Variants in MDH2 observed in about 807,000 individuals in gnomAD.
MDH2 encodes the protein malate dehydrogenase, mitochondrial.
Under a neutral mutation model 33.6 loss-of-function variants are expected in MDH2, and 25 were observed. The ratio of observed to expected loss-of-function variants is 0.74; its 90% CI spans 0.54 to 1.04. The LOEUF is 1.04. Ranked by LOEUF, MDH2 falls within the 50% of genes least tolerant of loss-of-function variation. MDH2 has a pLI of 0.00. For synonymous variants in MDH2, 193 were observed against 188.7 expected, an observed-to-expected ratio of 1.02 and a Z score of -0.19; for missense variants, 432 against 445.0, an observed-to-expected ratio of 0.97 and a Z score of 0.26.
chr7:76,060,579 A>G (rs1301053630), intron 5 of MDH2, 81 bp downstream of exon 5: 1 of 1,565,418 alleles, frequency 6.4e-7, no homozygotes, highest in Admixed American at 1.8e-5. Flanking sequence ...CGTGGAAGAC[A>G]TGAAGGCATG....
rs1798116624 is a variant in MDH2 at position 76,067,168 on chromosome 7, T to C, written c.*758T>C. 6.6e-6 allele frequency: 1 copy of C among 152,268 alleles called. No individual in the cohort carries two copies. Among genetic ancestry groups the C allele is most frequent in the South Asian group, 2.1e-4 (1 of 4,838 alleles). The allele number at this position is 152,268 out of a possible 1,614,324, so 9.4% of individuals were successfully genotyped here. A position where few individuals can be genotyped will look rare whatever the true frequency, so the allele number is the denominator to read the frequency against. On this transcript the variant is annotated 3_prime_UTR_variant, in exon 9 of 9. Transcript: ENST00000315758. Reference sequence around the variant, plus strand: ...CTAAAGAAGGGACTTCTTGTTGTACTGAGGAGTGCGGAATTAAAGAGATTT... The same window carrying C: ...CTAAAGAAGGGACTTCTTGTTGTACCGAGGAGTGCGGAATTAAAGAGATTT...
intron 2 of MDH2, among the ~76,000 whole-genome samples, chr7:76,055,629 T>G: frequency 6.6e-6 from 1 of 150,590 alleles, no homozygotes; most frequent in East Asian, 2.0e-4. Context: ...CCCAGCTACT[T>G]GGGAGGCTGA....
Position 76,066,274 on chromosome 7 carries a change from C to G in MDH2, c.886-5C>G, listed in dbSNP as rs1554587860. The G allele has an allele frequency of 6.2e-7, 1 of 1,605,642 alleles. No individual in the cohort carries two copies. The highest frequency in any genetic ancestry group is 8.5e-7 in the Non-Finnish European group (1 of 1,176,098). ...TTCATTTTAACATGTTCCCATCTCC[C>G]TCAGAAAAAGGGCATCGAGAAGAAC... On this transcript the variant is annotated splice_polypyrimidine_tract_variant and splice_region_variant and intron_variant, in intron 8 of 8. Transcript: ENST00000315758.
rs1554587304 is a variant in MDH2 at position 76,063,550 on chromosome 7, T to C, written c.591T>C (p.Ile197=). The change falls in exon 6 of 9, where the codon ATT becomes ATC. Residue 197 remains isoleucine, a synonymous_variant. Transcript: ENST00000315758. ...LDPARVNVPV[I]GGHAGKTIIP... ...CAGCTCGAGTCAACGTCCCTGTCAT[T>C]GGTGGCCATGCTGGGAAGACCATCA... 1 of 1,614,232 alleles carries C rather than the reference T, an allele frequency of 6.2e-7. No homozygotes were observed. The highest frequency in any genetic ancestry group is 1.1e-5 in the South Asian group (1 of 91,084).
At chr7:76,061,670 A>C (rs10216079) in intron 5 of MDH2, among the ~76,000 whole-genome samples, 26,864 of 150,700 alleles carry the variant, frequency 0.18, 2,669 homozygotes, top group East Asian at 0.29. Context: ...AGTTTGAGTG[A>C]GCAGGTGAGC....
chr7:76,052,799 C>T (rs1797664827), intron 1 of MDH2, among the ~76,000 whole-genome samples: 1 of 152,100 alleles, frequency 6.6e-6, no homozygotes, highest in Admixed American at 6.6e-5. Context: ...ACCTCGGCCT[C>T]TCAGAGTGCT....
chr7:76,065,746 T>C (rs1379131506), intron 8 of MDH2, among the ~76,000 whole-genome samples: 1 of 152,124 alleles, frequency 6.6e-6, no homozygotes, highest in Non-Finnish European at 1.5e-5. Context: ...CTGTGCTCAG[T>C]TTCTGCAGGT....
intron 5 of MDH2, 152 bp downstream of exon 5, chr7:76,060,650 G>A: frequency 8.5e-7 from 1 of 1,180,444 alleles, no homozygotes; most frequent in Non-Finnish European, 1.2e-6. Context: ...CTTGATGGAA[G>A]CAGCCCCTGT....
intron 4 of MDH2, among the ~76,000 whole-genome samples, chr7:76,059,006 C>T (rs558867165): frequency 5.3e-5 from 8 of 152,318 alleles, no homozygotes; most frequent in South Asian, 2.1e-4. Context: ...TGCAGTGGTG[C>T]GACCTTGGCT....
At chr7:76,062,086 G>A (rs1434995167) in intron 5 of MDH2, among the ~76,000 whole-genome samples, 1 of 152,142 alleles carries the variant, frequency 6.6e-6, no homozygotes, top group African/African-American at 2.4e-5. Context: ...ACAGTGAAGT[G>A]GACTGTCATT....
chr7:76,062,458 T>G (rs782397407), intron 5 of MDH2, among the ~76,000 whole-genome samples: 3 of 152,242 alleles, frequency 2.0e-5, no homozygotes, highest in Admixed American at 6.5e-5. Context: ...CCCGGCTCCA[T>G]GAAGCTGATC....
At chr7:76,066,082 C>A (rs1336965101) in intron 8 of MDH2, among the ~76,000 whole-genome samples, 197 bp from the exon 9 acceptor site, 1 of 152,114 alleles carries the variant, frequency 6.6e-6, no homozygotes, top group African/African-American at 2.4e-5. Flanking sequence ...CTGCCTGGCA[C>A]CCTCTGGCTC....
rs1339157256 is a variant in MDH2 at position 76,055,826 on chromosome 7, C to T, written c.235+828C>T. The stretch of plus-strand genomic sequence containing the variant: ...AATGTATCAACATTTTTGCATGTCA[C>T]CAAATTTTTTTTTTTTTTTTGAGAC... On this transcript the variant is annotated intron_variant, in intron 2 of 8. Transcript: ENST00000315758. Among the ~76,000 whole-genome samples, 35 of 129,050 alleles carry T rather than the reference C, an allele frequency of 2.7e-4. 2 individuals carry two copies. In the Admixed American group the frequency reaches 3.0e-3, roughly 11 times the overall value. 84.7% of individuals were successfully genotyped at this position (129,050 alleles called of 152,430 possible). A position where few individuals can be genotyped will look rare whatever the true frequency, so the allele number is the denominator to read the frequency against.
At chr7:76,056,712 C>A (rs1797796972) in intron 2 of MDH2, among the ~76,000 whole-genome samples, 1 of 152,152 alleles carries the variant, frequency 6.6e-6, no homozygotes, top group Non-Finnish European at 1.5e-5. Context: ...GCCTTCAGTG[C>A]CTTCTGATCA....
In MDH2 at chr7:76,055,010, G is replaced by A. The variant is rs781789831; in HGVS notation, c.235+12G>A. 1.0e-5 allele frequency: 16 copies of A among 1,601,880 alleles called. No homozygotes were observed. Among genetic ancestry groups the A allele is most frequent in the East Asian group, 2.2e-5 (1 of 44,510 alleles). ...AGCCGCTGTGAAAGGTACTGGGCGC[G>A]CTGACCCTGGAGACTTGCTTCCTGT... is the stretch of plus-strand genomic sequence containing the variant. On this transcript the variant is annotated intron_variant, in intron 2 of 8. Coordinates refer to ENST00000315758, the MANE Select transcript of MDH2 (RefSeq NM_005918.4).
At chr7:76,063,453 T>C in intron 5 of MDH2, 62 bp from the exon 6 acceptor site, 1 of 1,519,064 alleles carries the variant, frequency 6.6e-7, no homozygotes, top group Non-Finnish European at 9.1e-7. Flanking sequence ...TGTGGGCAGC[T>C]GTGACATGTT....
intron 8 of MDH2, 192 bp downstream of exon 8, chr7:76,065,145 C>G: frequency 1.7e-6 from 1 of 599,032 alleles, no homozygotes. Context: ...AAGGGTGAAC[C>G]TCCCAGCAAG....
At chr7:76,065,584 C>T (rs1554587756) in intron 8 of MDH2, among the ~76,000 whole-genome samples, 1 of 152,106 alleles carries the variant, frequency 6.6e-6, no homozygotes, top group African/African-American at 2.4e-5. Context: ...GACAGGCACT[C>T]GATGGTATAG....
At chr7:76,050,165 AATC>A (rs1418372530) in intron 1 of MDH2, among the ~76,000 whole-genome samples, 6 of 151,980 alleles carry the variant, frequency 3.9e-5, no homozygotes, top group African/African-American at 1.5e-4. Flanking sequence ...AGTAGGTGGG[AATC>A]ACAGGCAAGG....
Sources: gnomAD v4.1 joint callset for allele counts (sites outside exome capture counted in the v4.1 genomes callset) on GRCh38, gnomAD v4.1.1 for gene constraint, MANE v1.5 for transcripts, NCBI Gene and HGNC (gene_info 2026-07-23, HGNC 2026-07-21) for gene names.